Variants in LYPD6 observed in about 807,000 individuals in gnomAD.
The protein encoded by LYPD6 is LY6/PLAUR domain containing 6.
In LYPD6, 15 loss-of-function variants were observed where a neutral mutation model predicts 22.7. That is an observed-to-expected ratio of 0.66 (90% CI 0.44 to 1.02). LYPD6 has a LOEUF of 1.02. Among genes scored for constraint, LYPD6 ranks in the 50% least tolerant of loss-of-function variants. The pLI, the probability that LYPD6 is intolerant of heterozygous loss-of-function variation, is 0.00. For synonymous variants in LYPD6, 72 were observed against 77.5 expected, an observed-to-expected ratio of 0.93 and a Z score of 0.37; for missense variants, 189 against 208.4, an observed-to-expected ratio of 0.91 and a Z score of 0.57.
intron 1 of LYPD6, among the ~76,000 whole-genome samples, chr2:149,408,223 G>T (rs953335758): frequency 5.9e-5 from 9 of 152,162 alleles, no homozygotes; most frequent in Non-Finnish European, 1.3e-4. Flanking sequence ...CCCGTTCTCA[G>T]ATCTCCAGCT....
chr2:149,438,891 C>G (rs1006844141), intron 2 of LYPD6, among the ~76,000 whole-genome samples: 1 of 152,174 alleles, frequency 6.6e-6, no homozygotes, highest in Non-Finnish European at 1.5e-5. Flanking sequence ...AATAAATTCC[C>G]TATCATTGTG....
At chr2:149,348,823 C>CT (rs1306568303) in intron 1 of LYPD6, among the ~76,000 whole-genome samples, 1 of 151,884 alleles carries the variant, frequency 6.6e-6, no homozygotes, top group Non-Finnish European at 1.5e-5. Flanking sequence ...AAGAGGGAGA[C>CT]TAAATAAGAG....
intron 1 of LYPD6, among the ~76,000 whole-genome samples, chr2:149,434,674 G>A (rs1042258247): frequency 6.6e-6 from 1 of 152,108 alleles, no homozygotes; most frequent in African/African-American, 2.4e-5. Context: ...TATTAGAATA[G>A]TCTGACATAA....
rs962151079 is a variant in LYPD6, at chr2:149,472,897, A to T, written c.*2047A>T. 1 of 152,638 alleles carries T rather than the reference A, an allele frequency of 6.6e-6. No homozygotes were observed. The highest frequency in any genetic ancestry group is 1.5e-5 in the Non-Finnish European group (1 of 68,036). 9.5% of individuals were successfully genotyped at this position (152,638 alleles called of 1,614,324 possible). A position where few individuals can be genotyped will look rare whatever the true frequency, so the allele number is the denominator to read the frequency against. On this transcript the variant is annotated 3_prime_UTR_variant, in exon 5 of 5. Coordinates refer to ENST00000334166, the MANE Select transcript of LYPD6 (RefSeq NM_194317.5). ...TAGGAAGACTTTCAGGCCTGACTTC[A>T]TAGGAATTCATCCATCTTATCATGT...
intron 1 of LYPD6, among the ~76,000 whole-genome samples, chr2:149,403,943 C>A (rs924896037): frequency 4.6e-5 from 7 of 152,174 alleles, no homozygotes; most frequent in African/African-American, 1.4e-4. Context: ...TTTCAGCTTT[C>A]TACACATGGC....
At chr2:149,400,003 T>C (rs1274035401) in intron 1 of LYPD6, among the ~76,000 whole-genome samples, 2 of 152,200 alleles carry the variant, frequency 1.3e-5, no homozygotes, top group African/African-American at 4.8e-5. Context: ...ACCCTCCAGC[T>C]GACAACCCAC....
chr2:149,465,139 C>T (rs1681173513), intron 3 of LYPD6, among the ~76,000 whole-genome samples: 1 of 152,142 alleles, frequency 6.6e-6, no homozygotes, highest in Admixed American at 6.6e-5. Flanking sequence ...TATCGACTTT[C>T]ATATTAGGGA....
chr2:149,392,420 A>G (rs1237409929), intron 1 of LYPD6, among the ~76,000 whole-genome samples: 3 of 152,162 alleles, frequency 2.0e-5, no homozygotes, highest in Non-Finnish European at 2.9e-5. Flanking sequence ...ATAGAAAACA[A>G]TGTCTCAGTG....
chr2:149,465,066 G>A (rs1288372300), intron 3 of LYPD6, among the ~76,000 whole-genome samples: 1 of 152,178 alleles, frequency 6.6e-6, no homozygotes, highest in Non-Finnish European at 1.5e-5. Context: ...CTGAACACAT[G>A]GCATGAGAAG....
chr2:149,417,316 C>G (rs1682986497), intron 1 of LYPD6, among the ~76,000 whole-genome samples: 1 of 152,184 alleles, frequency 6.6e-6, no homozygotes, highest in African/African-American at 2.4e-5. Flanking sequence ...ACTGATAAAG[C>G]ATTTAGACTT....
intron 1 of LYPD6, among the ~76,000 whole-genome samples, chr2:149,343,994 G>A (rs1681208685): frequency 6.6e-6 from 1 of 152,200 alleles, no homozygotes. Context: ...GAAAGAAGGT[G>A]TGATATATAA....
At chr2:149,402,666 T>C (rs74974229) in intron 1 of LYPD6, among the ~76,000 whole-genome samples, 1 of 152,208 alleles carries the variant, frequency 6.6e-6, no homozygotes, top group African/African-American at 2.4e-5. Context: ...ACTTGTTGGC[T>C]GTTTGTGTAT....
At chr2:149,347,512 G>A (rs1681280160) in intron 1 of LYPD6, among the ~76,000 whole-genome samples, 1 of 152,116 alleles carries the variant, frequency 6.6e-6, no homozygotes, top group Non-Finnish European at 1.5e-5. Context: ...GAATTGATTT[G>A]TTAAAGCGCT....
At chr2:149,339,338 TG>T (rs1307088568) in intron 1 of LYPD6, among the ~76,000 whole-genome samples, 4 of 152,296 alleles carry the variant, frequency 2.6e-5, no homozygotes, top group Admixed American at 2.0e-4. Context: ...GGAGCCATCG[TG>T]GCTTAGAAGC....
At chr2:149,338,383 T>C (rs1681098874) in intron 1 of LYPD6, among the ~76,000 whole-genome samples, 2 of 152,188 alleles carry the variant, frequency 1.3e-5, no homozygotes, top group South Asian at 2.1e-4. Flanking sequence ...CCACAAACTA[T>C]TAAATATTAA....
chr2:149,369,074 C>T (rs1002499712), intron 1 of LYPD6, among the ~76,000 whole-genome samples: 13 of 151,832 alleles, frequency 8.6e-5, no homozygotes, highest in Admixed American at 5.9e-4. Flanking sequence ...GGAGAGTATG[C>T]GGACCCAGAG....
At chr2:149,428,066 C>T (rs1452608043) in intron 1 of LYPD6, among the ~76,000 whole-genome samples, 1 of 152,170 alleles carries the variant, frequency 6.6e-6, no homozygotes, top group Non-Finnish European at 1.5e-5. Context: ...TAACTTTCTC[C>T]CTCTAGGTGT....
At chr2:149,462,297 A>G (rs895515828) in intron 3 of LYPD6, among the ~76,000 whole-genome samples, 1 of 152,042 alleles carries the variant, frequency 6.6e-6, no homozygotes, top group Non-Finnish European at 1.5e-5. Flanking sequence ...CCATTTAAAA[A>G]TATACCATTT....
intron 1 of LYPD6, among the ~76,000 whole-genome samples, chr2:149,413,585 T>G (rs905801440): frequency 6.6e-5 from 10 of 152,204 alleles, no homozygotes; most frequent in Admixed American, 2.0e-4. Context: ...TTGAAATCAG[T>G]TAACAGTTAA....
Sources: allele counts gnomAD v4.1 joint callset (sites outside exome capture counted in the v4.1 genomes callset), GRCh38; gene constraint gnomAD v4.1.1; transcripts MANE v1.5; gene names NCBI Gene and HGNC (gene_info 2026-07-23, HGNC 2026-07-21).